Variants in IMMP2L observed in about 807,000 individuals in gnomAD.
The protein encoded by IMMP2L is inner mitochondrial membrane peptidase subunit 2.
In IMMP2L, 18 loss-of-function variants were observed where a neutral mutation model predicts 19.3. The observed-to-expected ratio is 0.93, with a 90% CI of 0.64 to 1.38. The LOEUF is 1.38. Among genes scored for constraint, IMMP2L ranks in the 40% most tolerant of loss-of-function variants. The pLI is 0.00. For synonymous variants in IMMP2L, 76 were observed against 73.0 expected, an observed-to-expected ratio of 1.04 and a Z score of -0.21; for missense variants, 233 against 218.2, an observed-to-expected ratio of 1.07 and a Z score of -0.43.
intron 5 of IMMP2L, among the ~76,000 whole-genome samples, chr7:110,839,483 A>T (rs971921968): frequency 2.0e-5 from 3 of 152,070 alleles, no homozygotes; most frequent in Non-Finnish European, 4.4e-5. Flanking sequence ...GAGAATGTTG[A>T]GTATGTAGTC....
chr7:111,504,612 A>G (rs1844674532), intron 2 of IMMP2L, among the ~76,000 whole-genome samples: 1 of 152,186 alleles, frequency 6.6e-6, no homozygotes, highest in African/African-American at 2.4e-5. Context: ...TGGTACTGGT[A>G]CCAAAACAGA....
rs184425866 is a variant in IMMP2L, at chr7:110,887,103, T to G, written c.306-408A>C. ...TTCATGCACAACTACAGTCTTCATT[T>G]TTTTCGGTCAAACTTCTCAAACCAA... is the stretch of plus-strand genomic sequence containing the variant. On this transcript the variant is annotated intron_variant, in intron 4 of 5. Coordinates refer to ENST00000405709, the MANE Select transcript of IMMP2L (RefSeq NM_032549.4). Among the ~76,000 whole-genome samples, 341 of 152,208 alleles carry G rather than the reference T, an allele frequency of 2.2e-3. 2 individuals carry two copies. The highest frequency in any genetic ancestry group is 7.9e-3 in the African/African-American group (327 of 41,540).
At chr7:111,095,198 T>C (rs761360690) in intron 3 of IMMP2L, among the ~76,000 whole-genome samples, 63 of 152,082 alleles carry the variant, frequency 4.1e-4, no homozygotes, top group Non-Finnish European at 5.7e-4. Flanking sequence ...GAAAGAGACA[T>C]TAGTAGCTAG....
intron 3 of IMMP2L, among the ~76,000 whole-genome samples, chr7:111,364,300 T>C (rs1354884269): frequency 6.6e-6 from 1 of 152,102 alleles, no homozygotes; most frequent in Non-Finnish European, 1.5e-5. Context: ...TGTTCTTATG[T>C]CATCTGCTAG....
chr7:111,079,609 T>A (rs1467625067), intron 3 of IMMP2L, among the ~76,000 whole-genome samples: 1 of 152,218 alleles, frequency 6.6e-6, no homozygotes, highest in Non-Finnish European at 1.5e-5. Flanking sequence ...TGCTTGCATA[T>A]GCATAGTAAA....
chr7:110,862,801 G>A (rs371663145), intron 5 of IMMP2L, among the ~76,000 whole-genome samples: 9 of 152,016 alleles, frequency 5.9e-5, no homozygotes, highest in South Asian at 2.1e-4. Flanking sequence ...TTTGTACAGC[G>A]AACAGCCTTG....
intron 5 of IMMP2L, among the ~76,000 whole-genome samples, chr7:110,737,999 G>A (rs1456320206): frequency 6.6e-6 from 1 of 152,190 alleles, no homozygotes; most frequent in Non-Finnish European, 1.5e-5. Flanking sequence ...CCCATTCATA[G>A]GGGAAGGGGG....
At chr7:111,171,453 AAGAG>A (rs1438983219) in intron 3 of IMMP2L, among the ~76,000 whole-genome samples, 1 of 151,350 alleles carries the variant, frequency 6.6e-6, no homozygotes, top group Admixed American at 6.6e-5. Context: ...TAAAAGCCCA[AAGAG>A]AGAGAAAGAA....
At chr7:111,528,114 T>G (rs1370491067) in intron 1 of IMMP2L, among the ~76,000 whole-genome samples, 1 of 152,182 alleles carries the variant, frequency 6.6e-6, no homozygotes, top group Non-Finnish European at 1.5e-5. Context: ...TATCCAATAA[T>G]TTTCTTAAAG....
rs17157900 is a variant in IMMP2L at position 110,683,789 on chromosome 7, G to C, written c.409-20068C>G. ...TACATTAGGAAAAGTTAAGTTAATG[G>C]AGTCATTCCAGCTTTGTATACTTTC... On this transcript the variant is annotated intron_variant, in intron 5 of 5. Coordinates refer to ENST00000405709, the MANE Select transcript of IMMP2L (RefSeq NM_032549.4). Among the ~76,000 whole-genome samples the C allele has an allele frequency of 9.1e-3, 1,388 of 152,148 alleles. 24 individuals carry two copies. The highest frequency in any genetic ancestry group is 0.031 in the African/African-American group (1,291 of 41,522).
Position 111,417,481 on chromosome 7 carries a change from G to A in IMMP2L, c.239+69757C>T, listed in dbSNP as rs571749141. Reference sequence around the variant, plus strand: ...TTAGTTTACCATCTGTTCCAGTATAGGAATGGCTTCTAGGAATACATCCCT... The same window carrying A: ...TTAGTTTACCATCTGTTCCAGTATAAGAATGGCTTCTAGGAATACATCCCT... On this transcript the variant is annotated intron_variant, in intron 3 of 5. Transcript: ENST00000405709. 3.4e-4 allele frequency among the ~76,000 whole-genome samples: 52 copies of A among 151,880 alleles called. 1 individual carries two copies. Among genetic ancestry groups the A allele is most frequent in the African/African-American group, 1.0e-3 (42 of 41,216 alleles).
At chr7:111,260,605 T>C (rs1334149903) in intron 3 of IMMP2L, among the ~76,000 whole-genome samples, 2 of 152,152 alleles carry the variant, frequency 1.3e-5, no homozygotes, top group African/African-American at 4.8e-5. Flanking sequence ...TCTACCTATA[T>C]TTTCATGACA....
At chr7:111,371,006 T>C (rs1417142721) in intron 3 of IMMP2L, among the ~76,000 whole-genome samples, 3 of 151,916 alleles carry the variant, frequency 2.0e-5, no homozygotes, top group Non-Finnish European at 2.9e-5. Context: ...AACTGATTTA[T>C]TATTCAATAG....
intron 3 of IMMP2L, among the ~76,000 whole-genome samples, chr7:111,265,060 G>A (rs1025537111): frequency 3.3e-5 from 5 of 152,172 alleles, no homozygotes; most frequent in Admixed American, 2.0e-4. Context: ...AACTTGATGA[G>A]CTTCAAAGAG....
At chr7:111,088,440 G>C (rs985328415) in intron 3 of IMMP2L, among the ~76,000 whole-genome samples, 6 of 151,484 alleles carry the variant, frequency 4.0e-5, no homozygotes, top group African/African-American at 1.5e-4. Context: ...GCCTTCTAAA[G>C]GAAGAAACTT....
intron 2 of IMMP2L, chr7:111,492,271 G>T (rs912552904): frequency 5.2e-6 from 2 of 383,598 alleles, no homozygotes; most frequent in Admixed American, 6.4e-5. Context: ...AATTAACAAG[G>T]TCAAAACAAA....
chr7:111,241,974 T>C (rs1021196742), intron 3 of IMMP2L, among the ~76,000 whole-genome samples: 3 of 152,042 alleles, frequency 2.0e-5, no homozygotes, highest in Non-Finnish European at 4.4e-5. Context: ...AAAAATATGA[T>C]TCACCTGACC....
chr7:110,886,500 C>A, intron 5 of IMMP2L, 93 bp downstream of exon 5: 1 of 732,720 alleles, frequency 1.4e-6, no homozygotes, highest in South Asian at 1.6e-5. Flanking sequence ...CATGATCAGT[C>A]TTGGCTGAGT....
intron 3 of IMMP2L, among the ~76,000 whole-genome samples, chr7:111,348,534 T>C (rs1827812239): frequency 6.6e-6 from 1 of 152,222 alleles, no homozygotes; most frequent in East Asian, 1.9e-4. Context: ...TTTCAGTATG[T>C]TAGAAACCAA....
Sources: allele counts gnomAD v4.1 joint callset (sites outside exome capture counted in the v4.1 genomes callset), GRCh38; gene constraint gnomAD v4.1.1; transcripts MANE v1.5; gene names NCBI Gene and HGNC (gene_info 2026-07-23, HGNC 2026-07-21).